Variants in SVIL observed in about 807,000 individuals in gnomAD.
SVIL encodes the protein archvillin.
In SVIL, 101 loss-of-function variants were observed where a neutral mutation model predicts 240.4. The observed-to-expected ratio is 0.42, with a 90% CI of 0.36 to 0.50. SVIL has a LOEUF of 0.50. Among genes scored for constraint, SVIL ranks in the 20% least tolerant of loss-of-function variants. The pLI, the probability that SVIL is intolerant of heterozygous loss-of-function variation, is 0.01. For synonymous variants in SVIL, 999 were observed against 1,100.0 expected (o/e 0.91, Z 1.82); for missense variants, 2,512 against 2,818.7 (o/e 0.89, Z 2.46).
chr10:29,464,619 C>G (rs1480271586), intron 34 of SVIL, among the ~76,000 whole-genome samples: 2 of 152,126 alleles, frequency 1.3e-5, no homozygotes, highest in Non-Finnish European at 2.9e-5. Flanking sequence ...TCTGTGAAAA[C>G]CACACTTTAA....
rs941672184 is a variant in SVIL at position 29,735,319 on chromosome 10, A to G, written c.-400+432T>C. Among the ~76,000 whole-genome samples the G allele has an allele frequency of 2.6e-5, 4 of 151,742 alleles. No individual in the cohort carries two copies. The highest frequency in any genetic ancestry group is 5.9e-5 in the Non-Finnish European group (4 of 67,900). ...CTGGTGTCGGGAAAGGAACCGGGCG[A>G]TGTCGTAGTTCTGATCACTGGCGCG... On this transcript the variant is annotated intron_variant, in intron 1 of 35. Coordinates refer to the SVIL transcript ENST00000375400. This position sits in a 1 kb window ranked among gnomAD's most constrained non-coding sequence, Gnocchi z 4.1.
chr10:29,559,452 A>G (rs901706530), intron 3 of SVIL, among the ~76,000 whole-genome samples: 3 of 152,224 alleles, frequency 2.0e-5, no homozygotes, highest in Admixed American at 6.5e-5. Flanking sequence ...TTTCTTAACA[A>G]AAAAGAATAA....
intron 1 of SVIL, among the ~76,000 whole-genome samples, chr10:29,696,680 C>T (rs867230284): frequency 2.7e-5 from 4 of 150,628 alleles, no homozygotes; most frequent in Non-Finnish European, 5.9e-5. Flanking sequence ...TCTGCCCGGC[C>T]GCCCCGTCTG....
At chr10:29,556,869 C>G (rs1953980562) in intron 3 of SVIL, among the ~76,000 whole-genome samples, 1 of 152,122 alleles carries the variant, frequency 6.6e-6, no homozygotes, top group Non-Finnish European at 1.5e-5. Flanking sequence ...TGACAAAAAC[C>G]AAAGGGTTTT....
At chr10:29,475,466 T>C (rs934540004) in intron 29 of SVIL, 11 of 152,256 alleles carry the variant, frequency 7.2e-5, no homozygotes, top group Admixed American at 7.2e-4. Context: ...AAGACAATGA[T>C]GAACTCGATG....
At chr10:29,669,013 A>G (rs1190507222) in intron 2 of SVIL, among the ~76,000 whole-genome samples, 2 of 152,196 alleles carry the variant, frequency 1.3e-5, no homozygotes, top group African/African-American at 4.8e-5. Flanking sequence ...CCCTGTCTCT[A>G]TGGAGCTCAC....
intron 2 of SVIL, among the ~76,000 whole-genome samples, chr10:29,568,258 G>A (rs77588815): frequency 1.3e-5 from 2 of 151,508 alleles, no homozygotes; most frequent in African/African-American, 4.9e-5. Context: ...AAGATGTGGA[G>A]GAAATACACC....
upstream of SVIL, among the ~76,000 whole-genome samples, chr10:29,636,080 G>A (rs1286260111): frequency 6.6e-6 from 1 of 151,928 alleles, no homozygotes; most frequent in Non-Finnish European, 1.5e-5. Flanking sequence ...TTTTGTGCTA[G>A]GGGTATTTGT....
At chr10:29,667,085 C>CT (rs1201553031) in intron 2 of SVIL, among the ~76,000 whole-genome samples, 2 of 152,008 alleles carry the variant, frequency 1.3e-5, no homozygotes, top group Non-Finnish European at 1.5e-5. Flanking sequence ...GGTGTTTCTT[C>CT]TTTTTTTCAT....
At chr10:29,572,222 C>T (rs1955456925) in intron 1 of SVIL, among the ~76,000 whole-genome samples, 3 of 152,034 alleles carry the variant, frequency 2.0e-5, no homozygotes. Flanking sequence ...ACCCTGGGTA[C>T]TAGAGGGGTC....
chr10:29,606,562 T>C (rs1957030943), intron 1 of SVIL, among the ~76,000 whole-genome samples: 1 of 152,212 alleles, frequency 6.6e-6, no homozygotes, highest in African/African-American at 2.4e-5. Context: ...TCAATATGCA[T>C]TTTAAAATTA....
chr10:29,540,038 C>G (rs980909691), intron 6 of SVIL, among the ~76,000 whole-genome samples: 1 of 152,164 alleles, frequency 6.6e-6, no homozygotes, highest in Non-Finnish European at 1.5e-5. Flanking sequence ...CTCTCACGTG[C>G]GTTACCAAGA....
chr10:29,710,199 G>A (rs1963181259), intron 1 of SVIL, among the ~76,000 whole-genome samples: 1 of 151,940 alleles, frequency 6.6e-6, no homozygotes, highest in African/African-American at 2.4e-5. Context: ...GACTACAGGT[G>A]CGCGCCACCA....
At chr10:29,568,773 G>A (rs1955197948) in intron 2 of SVIL, among the ~76,000 whole-genome samples, 1 of 137,552 alleles carries the variant, frequency 7.3e-6, no homozygotes, top group Admixed American at 7.4e-5. Flanking sequence ...TAACTCACAT[G>A]GATGGGTGGA....
At position 29,474,141 on chromosome 10, in the gene SVIL, G is replaced by T. The variant is rs1588868288; in HGVS notation, c.5378-152C>A. 3 of 1,057,460 alleles carry T rather than the reference G, an allele frequency of 2.8e-6. No individual in the cohort carries two copies. In the East Asian group the frequency reaches 7.9e-5, roughly 28 times the overall value. The allele number at this position is 1,057,460 out of a possible 1,614,324, so 65.5% of individuals were successfully genotyped here. A position where few individuals can be genotyped will look rare whatever the true frequency, so the allele number is the denominator to read the frequency against. The stretch of plus-strand genomic sequence containing the variant: ...AGAAACCGTTGGCACCTGGAGGGAA[G>T]GCTGGTCACGCCCAGGAGAAGAGAA... On this transcript the variant is annotated intron_variant, in intron 29 of 37. Coordinates refer to ENST00000355867, the MANE Select transcript of SVIL (RefSeq NM_021738.3).
chr10:29,484,394 G>A lies in SVIL; in HGVS notation c.4955+262C>T, dbSNP rs1297906017. Among the ~76,000 whole-genome samples the A allele has an allele frequency of 2.0e-5, 3 of 152,206 alleles. No homozygotes were observed. The highest frequency in any genetic ancestry group is 2.9e-5 in the Non-Finnish European group (2 of 68,052). On this transcript the variant is annotated intron_variant, in intron 27 of 37. Coordinates refer to ENST00000355867, the MANE Select transcript of SVIL (RefSeq NM_021738.3). The surrounding 1 kb of genome is among the most constrained non-coding windows in gnomAD (Gnocchi z 4.7). ...AGCAGCACTTGTAATGCCGCAGGGA[G>A]GAACTTGCAGCATTTCTTGCTCACT... is the stretch of plus-strand genomic sequence containing the variant.
At chr10:29,713,634 T>C (rs1231476339) in intron 1 of SVIL, among the ~76,000 whole-genome samples, 2 of 152,114 alleles carry the variant, frequency 1.3e-5, no homozygotes, top group East Asian at 1.9e-4. Flanking sequence ...CTGGGGCAAA[T>C]AGACAATTCA....
intron 1 of SVIL, among the ~76,000 whole-genome samples, chr10:29,588,334 T>C (rs1241554302): frequency 1.3e-5 from 2 of 151,458 alleles, no homozygotes; most frequent in African/African-American, 2.4e-5. Flanking sequence ...CAGAGACGCA[T>C]CTGACACTTC....
chr10:29,651,536 C>T (rs910258232), intron 3 of SVIL, among the ~76,000 whole-genome samples: 1 of 151,956 alleles, frequency 6.6e-6, no homozygotes, highest in African/African-American at 2.4e-5. Context: ...TCTTACTTCT[C>T]CTTCCTCCCT....
Sources: gnomAD v4.1 joint callset for allele counts (sites outside exome capture counted in the v4.1 genomes callset) on GRCh38, gnomAD v4.1.1 for gene constraint, Gnocchi (gnomAD v3.1) non-coding constraint, MANE v1.5 for transcripts, NCBI Gene and HGNC (gene_info 2026-07-23, HGNC 2026-07-21) for gene names.